Variants in GHRHR observed in about 807,000 individuals in gnomAD.
GHRHR encodes growth hormone-releasing hormone receptor.
A neutral mutation model predicts 58.3 loss-of-function variants in GHRHR; 40 were observed. The ratio of observed to expected loss-of-function variants is 0.69; its 90% CI spans 0.53 to 0.89. The LOEUF is 0.89. Ranked by LOEUF, GHRHR falls within the 40% of genes least tolerant of loss-of-function variation. The pLI, the probability that GHRHR is intolerant of heterozygous loss-of-function variation, is 0.00. For synonymous variants in GHRHR, 249 were observed against 216.6 expected (o/e 1.15, Z -1.31); for missense variants, 551 against 541.3 (o/e 1.02, Z -0.18).
intron 4 of GHRHR, 128 bp downstream of exon 4, chr7:30,970,092 A>C: frequency 1.4e-6 from 1 of 734,848 alleles, no homozygotes; most frequent in Non-Finnish European, 2.5e-6. Flanking sequence ...TTTCCAGCAG[A>C]GAGCAGTGAA....
At chr7:30,966,026 G>T (rs1792342616) in intron 1 of GHRHR, among the ~76,000 whole-genome samples, 2 of 152,188 alleles carry the variant, frequency 1.3e-5, no homozygotes, top group Non-Finnish European at 2.9e-5. Flanking sequence ...TCTGCACCCT[G>T]GGGCCTTGCA....
intron 1 of GHRHR, among the ~76,000 whole-genome samples, chr7:30,965,416 T>A (rs1177585389): frequency 1.0e-5 from 1 of 98,754 alleles, no homozygotes; most frequent in Non-Finnish European, 1.8e-5. Context: ...GGGTCCACGA[T>A]GTGTGTGGGG....
Position 30,975,052 on chromosome 7 carries a change from G to C in GHRHR, c.882+12G>C, listed in dbSNP as rs747272834. 1.5e-5 allele frequency: 24 copies of C among 1,583,798 alleles called. No homozygotes were observed. In the East Asian group the frequency reaches 1.6e-4, roughly 10 times the overall value. ...TCCTCTCGGTCGGGGTCAGTCCCTG[G>C]GCCAGTGCCCTTTGCTTTATTCAGT... On this transcript the variant is annotated intron_variant, in intron 9 of 12. Coordinates refer to ENST00000326139, the MANE Select transcript of GHRHR (RefSeq NM_000823.4).
chr7:30,976,565 G>T lies in GHRHR; in HGVS notation c.1104+7G>T. On this transcript the variant is annotated splice_region_variant and intron_variant, in intron 11 of 12. Coordinates refer to ENST00000326139, the MANE Select transcript of GHRHR (RefSeq NM_000823.4). The stretch of plus-strand genomic sequence containing the variant: ...GGGACTGGGTTCCTTCCAGGTGAGG[G>T]CCCCCACAGGCACTCTTTCTTTCCA... The T allele has an allele frequency of 6.2e-7, 1 of 1,611,960 alleles. No homozygotes were observed. Among genetic ancestry groups the T allele is most frequent in the South Asian group, 1.1e-5 (1 of 90,616 alleles).
chr7:30,973,213 C>T lies in GHRHR; in HGVS notation c.598-772C>T, dbSNP rs78810724. On this transcript the variant is annotated intron_variant, in intron 6 of 12. Coordinates refer to ENST00000326139, the MANE Select transcript of GHRHR (RefSeq NM_000823.4). ...TCATCATGAAGGTCTTCATCCTCATCGTCTTTATGTTGAGTAGCCTGAGGG... is the reference window on the plus strand; with the variant it reads ...TCATCATGAAGGTCTTCATCCTCATTGTCTTTATGTTGAGTAGCCTGAGGG... 2.9e-3 allele frequency among the ~76,000 whole-genome samples: 441 copies of T among 152,252 alleles called. 17 individuals are homozygous for T. In the East Asian group the frequency reaches 0.065, roughly 23 times the overall value.
chr7:30,969,907 GCCCTTTCCA>G lies in GHRHR; in HGVS notation c.312_320del (p.Phe105_Pro107del). 6.2e-7 allele frequency: 1 copy of G among 1,606,118 alleles called. No individual in the cohort carries two copies. Among genetic ancestry groups the G allele is most frequent in the Non-Finnish European group, 8.5e-7 (1 of 1,172,626 alleles). On this transcript the variant is annotated inframe_deletion, in exon 4 of 13. Transcript: ENST00000326139. ...ATTGTACTATCACTGGCTGGTCTGA[GCCCTTTCCA>G]CCTTACCCTGTGGCCTGCCCTGTGC...
intron 5 of GHRHR, 125 bp downstream of exon 5, chr7:30,971,341 C>T (rs555069923): frequency 1.4e-6 from 1 of 701,688 alleles, no homozygotes; most frequent in Non-Finnish European, 2.6e-6. Context: ...CCATGTCTAA[C>T]TTTCCCTTCC....
Position 30,963,996 on chromosome 7 carries a change from CAG to C in GHRHR, c.-72_-71del. On this transcript the variant is annotated 5_prime_UTR_variant, in exon 1 of 13. Coordinates refer to ENST00000326139, the MANE Select transcript of GHRHR (RefSeq NM_000823.4). ...GAGGGTGCGGTGGAAACGGCTGTGT[CAG>C]GGGACAGCAGGGGAAGGAAGATAGC... 1 of 1,368,432 alleles carries C rather than the reference CAG, an allele frequency of 7.3e-7. No individual in the cohort carries two copies. Among genetic ancestry groups the C allele is most frequent in the Non-Finnish European group, 1.0e-6 (1 of 982,068 alleles). 84.8% of individuals were successfully genotyped at this position (1,368,432 alleles called of 1,614,324 possible).
At position 30,964,031 on chromosome 7, in the gene GHRHR, T is replaced by C. The variant is rs953160541; in HGVS notation, c.-38T>C. 2 of 1,537,236 alleles carry C rather than the reference T, an allele frequency of 1.3e-6. No individual in the cohort carries two copies. The highest frequency in any genetic ancestry group is 3.9e-5 in the Admixed American group (2 of 50,998). On this transcript the variant is annotated 5_prime_UTR_variant, in exon 1 of 13. Transcript: ENST00000326139. Reference sequence around the variant, plus strand: ...CAGGGGAAGGAAGATAGCCAAGGCTTACTGAGGCTGGTGGAGGGAGCCACT... The same window carrying C: ...CAGGGGAAGGAAGATAGCCAAGGCTCACTGAGGCTGGTGGAGGGAGCCACT...
At chr7:30,964,718 G>A (rs546100329) in intron 1 of GHRHR, among the ~76,000 whole-genome samples, 3 of 152,284 alleles carry the variant, frequency 2.0e-5, no homozygotes, top group South Asian at 2.1e-4. Flanking sequence ...ATCTTCTCAC[G>A]ATGCTGAGGG....
chr7:30,967,348 G>C (rs2128596759), intron 1 of GHRHR, among the ~76,000 whole-genome samples: 1 of 152,286 alleles, frequency 6.6e-6, no homozygotes, highest in South Asian at 2.1e-4. Context: ...GCTGGTTCTT[G>C]AGGCACACTT....
chr7:30,974,396 T>A (rs779588713), intron 7 of GHRHR, 33 bp from the exon 8 acceptor site: 1 of 1,510,894 alleles, frequency 6.6e-7, no homozygotes, highest in South Asian at 1.1e-5. Flanking sequence ...GGATGCAGAC[T>A]CCCTCGCTTG....
chr7:30,977,903 C>T (rs1452024674), intron 12 of GHRHR, among the ~76,000 whole-genome samples: 7 of 152,322 alleles, frequency 4.6e-5, no homozygotes, highest in East Asian at 1.9e-4. Flanking sequence ...CATGTGGAAA[C>T]GTGGGGACAC....
intron 6 of GHRHR, among the ~76,000 whole-genome samples, chr7:30,972,475 T>C (rs1472773562): frequency 6.6e-6 from 1 of 152,030 alleles, no homozygotes; most frequent in African/African-American, 2.4e-5. Context: ...GAAGAGCCCA[T>C]GGGACAGAAT....
At chr7:30,975,961 G>GC (rs1261903728) in intron 10 of GHRHR, 93 bp downstream of exon 10, 1 of 779,882 alleles carries the variant, frequency 1.3e-6, no homozygotes, top group East Asian at 2.5e-5. Flanking sequence ...CATGACCTCA[G>GC]CCCCATACTC....
intron 1 of GHRHR, among the ~76,000 whole-genome samples, chr7:30,965,449 G>A (rs1792328646): frequency 6.6e-6 from 1 of 152,180 alleles, no homozygotes. Flanking sequence ...GCCCCAGGAT[G>A]TGTTTCGCCA....
intron 7 of GHRHR, 101 bp downstream of exon 7, chr7:30,974,239 G>T (rs1014872283): frequency 1.5e-6 from 2 of 1,324,616 alleles, no homozygotes; most frequent in Admixed American, 3.4e-5. Context: ...GAGGCCCAGA[G>T]AAGGAGAGGG....
At chr7:30,967,694 C>T (rs1792386550) in intron 1 of GHRHR, among the ~76,000 whole-genome samples, 1 of 132,462 alleles carries the variant, frequency 7.5e-6, no homozygotes, top group Non-Finnish European at 1.6e-5. Context: ...TTCTGCCTTC[C>T]TGCCTTCCTG....
intron 1 of GHRHR, among the ~76,000 whole-genome samples, chr7:30,968,216 C>T (rs1792396631): frequency 6.6e-6 from 1 of 152,186 alleles, no homozygotes; most frequent in African/African-American, 2.4e-5. Flanking sequence ...AACATATTCA[C>T]AGGTTCCACA....
Sources: allele counts gnomAD v4.1 joint callset (sites outside exome capture counted in the v4.1 genomes callset), GRCh38; gene constraint gnomAD v4.1.1; transcripts MANE v1.5; gene names NCBI Gene and HGNC (gene_info 2026-07-23, HGNC 2026-07-21).